ELMO1: variants seen among roughly 807,000 people sequenced by gnomAD.
The protein encoded by ELMO1 is engulfment and cell motility 1.
A neutral mutation model predicts 98.9 loss-of-function variants in ELMO1; 26 were observed. That is an observed-to-expected ratio of 0.26 (90% CI 0.19 to 0.36). The LOEUF is 0.36. ELMO1 is among the 10% of genes least tolerant of loss of function. The pLI, the probability that ELMO1 is intolerant of heterozygous loss-of-function variation, is 1.00. For synonymous variants in ELMO1, 346 were observed against 346.0 expected (o/e 1.00, Z 0.00); for missense variants, 627 against 935.2 (o/e 0.67, Z 4.30).
intron 13 of ELMO1, among the ~76,000 whole-genome samples, chr7:37,189,949 C>A (rs999659491): frequency 2.0e-5 from 3 of 150,904 alleles, no homozygotes; most frequent in Non-Finnish European, 4.4e-5. Flanking sequence ...ACCCTGAAGA[C>A]TCTGTGTGGT....
chr7:37,277,668 T>C (rs573652332), intron 4 of ELMO1, among the ~76,000 whole-genome samples: 2 of 152,184 alleles, frequency 1.3e-5, no homozygotes, highest in East Asian at 3.9e-4. Context: ...TAAGGAGAAA[T>C]GCAAGGCTCA....
At chr7:36,918,793 G>A (rs542578380) in intron 16 of ELMO1, among the ~76,000 whole-genome samples, 1 of 152,272 alleles carries the variant, frequency 6.6e-6, no homozygotes, top group East Asian at 1.9e-4. Context: ...TATACAGTAT[G>A]GTACCCCATC....
At position 37,137,151 on chromosome 7, in the gene ELMO1, G is replaced by A. The variant is rs556400441; in HGVS notation, c.1087-3917C>T. Among the ~76,000 whole-genome samples the A allele has an allele frequency of 2.3e-4, 35 of 152,216 alleles. No homozygotes were observed. The South Asian group carries it at 6.6e-3, about 29-fold the overall frequency. On this transcript the variant is annotated intron_variant, in intron 13 of 21. Coordinates refer to ENST00000310758, the MANE Select transcript of ELMO1 (RefSeq NM_014800.11). ...TATATCAGACAAAACTAACTTTAAA[G>A]CAACAGCAGTTAAAAAAGACAAAGA...
At chr7:37,443,366 G>A (rs1318039527) in intron 1 of ELMO1, among the ~76,000 whole-genome samples, 1 of 152,126 alleles carries the variant, frequency 6.6e-6, no homozygotes, top group Non-Finnish European at 1.5e-5. Context: ...TCAGATTCTG[G>A]AAATCAGTGT....
chr7:36,867,402 C>A (rs1467044925), intron 20 of ELMO1, among the ~76,000 whole-genome samples: 3 of 152,184 alleles, frequency 2.0e-5, no homozygotes, highest in African/African-American at 7.2e-5. Context: ...ATGGGTGACT[C>A]TCATTTTTTT....
intron 6 of ELMO1, among the ~76,000 whole-genome samples, chr7:37,245,093 T>C (rs1409423565): frequency 6.6e-6 from 1 of 151,498 alleles, no homozygotes; most frequent in Non-Finnish European, 1.5e-5. Flanking sequence ...CTTCCCTCTT[T>C]ATGAAACATC....
At chr7:37,062,310 A>C (rs961030809) in intron 15 of ELMO1, among the ~76,000 whole-genome samples, 7 of 152,202 alleles carry the variant, frequency 4.6e-5, no homozygotes, top group Non-Finnish European at 7.3e-5. Flanking sequence ...CTAAATTTGC[A>C]ATTCACTTAC....
chr7:37,203,754 TAG>T (rs1232516218), intron 13 of ELMO1, among the ~76,000 whole-genome samples: 8 of 152,056 alleles, frequency 5.3e-5, no homozygotes, highest in Admixed American at 5.2e-4. Flanking sequence ...ATAGATAGGA[TAG>T]ATGGGCGAGT....
At chr7:37,192,994 TATATATATATATATAC>T (rs1183961700) in intron 13 of ELMO1, among the ~76,000 whole-genome samples, 73 of 128,616 alleles carry the variant, frequency 5.7e-4, no homozygotes, top group Non-Finnish European at 8.9e-4. Flanking sequence ...TATATATATA[TATATATATATATATAC>T]ACACACACAC....
chr7:37,021,694 A>G (rs867014611), intron 15 of ELMO1, among the ~76,000 whole-genome samples: 10 of 152,320 alleles, frequency 6.6e-5, no homozygotes, highest in Middle Eastern at 3.4e-3. Flanking sequence ...AGAAAAAAAG[A>G]AAAACCAATG....
At chr7:37,005,873 T>C (rs1793090168) in intron 16 of ELMO1, among the ~76,000 whole-genome samples, 1 of 152,108 alleles carries the variant, frequency 6.6e-6, no homozygotes, top group Admixed American at 6.5e-5. Flanking sequence ...TCCATTACTG[T>C]GGACTGGTGT....
intron 1 of ELMO1, among the ~76,000 whole-genome samples, chr7:37,398,136 C>G (rs1250139956): frequency 6.6e-6 from 1 of 152,104 alleles, no homozygotes; most frequent in Non-Finnish European, 1.5e-5. Context: ...AACGTGCACA[C>G]CTGCACATGT....
chr7:37,075,491 C>T (rs1190556320), intron 15 of ELMO1, among the ~76,000 whole-genome samples: 1 of 151,684 alleles, frequency 6.6e-6, no homozygotes, highest in African/African-American at 2.4e-5. Context: ...ATTATCTTTC[C>T]GATAAAACCC....
At chr7:37,291,682 A>C (rs1216311668) in intron 4 of ELMO1, among the ~76,000 whole-genome samples, 1 of 152,176 alleles carries the variant, frequency 6.6e-6, no homozygotes. Flanking sequence ...TGGAAGGCCG[A>C]GGTGGGTGGA....
intron 1 of ELMO1, among the ~76,000 whole-genome samples, chr7:37,347,364 C>T (rs769132681): frequency 4.6e-5 from 7 of 152,166 alleles, no homozygotes; most frequent in Non-Finnish European, 8.8e-5. Context: ...GGATGACTGG[C>T]AGCATACCTG....
chr7:37,276,654 A>C (rs1040163380), intron 4 of ELMO1, among the ~76,000 whole-genome samples: 4 of 152,212 alleles, frequency 2.6e-5, no homozygotes, highest in Non-Finnish European at 5.9e-5. Context: ...ACACTGCTAG[A>C]CCCTTATTTG....
chr7:37,246,724 T>C (rs1795023708), intron 6 of ELMO1, among the ~76,000 whole-genome samples: 1 of 152,154 alleles, frequency 6.6e-6, no homozygotes, highest in African/African-American at 2.4e-5. Context: ...CTGTTGGCTT[T>C]GAGTTATTTT....
In ELMO1 at chr7:37,344,139, C is replaced by A. The variant is rs147967351; in HGVS notation, c.-73-1376G>T. On this transcript the variant is annotated intron_variant, in intron 1 of 21. Transcript: ENST00000310758. ...CTCCACCTCCCGGGTTCAAGCGATT[C>A]TCCCGTCTCAGCTTCCCGAGTAGCT... 5.0e-3 allele frequency among the ~76,000 whole-genome samples: 746 copies of A among 149,906 alleles called. 8 individuals are homozygous for A. Among genetic ancestry groups the A allele is most frequent in the African/African-American group, 0.017 (709 of 40,592 alleles).
chr7:37,386,879 A>C (rs1165768585), intron 1 of ELMO1, among the ~76,000 whole-genome samples: 1 of 152,192 alleles, frequency 6.6e-6, no homozygotes, highest in Non-Finnish European at 1.5e-5. Context: ...TTGCATGCAC[A>C]TTGTAATTGA....
Sources: allele counts gnomAD v4.1 joint callset (sites outside exome capture counted in the v4.1 genomes callset), GRCh38; gene constraint gnomAD v4.1.1; transcripts MANE v1.5; gene names NCBI Gene and HGNC (gene_info 2026-07-23, HGNC 2026-07-21).